Variants in ALLC observed in about 807,000 individuals in gnomAD.
ALLC encodes the protein probable inactive allantoicase.
ALLC carries 40 observed loss-of-function variants against 45.0 expected under a neutral mutation model. That is an observed-to-expected ratio of 0.89 (90% CI 0.69 to 1.16). ALLC has a LOEUF of 1.16. Among genes scored for constraint, ALLC ranks in the 50% most tolerant of loss-of-function variants. ALLC has a pLI of 0.00. For synonymous variants in ALLC, 176 were observed against 178.1 expected, an observed-to-expected ratio of 0.99 and a Z score of 0.09; for missense variants, 488 against 493.1, an observed-to-expected ratio of 0.99 and a Z score of 0.10.
Position 3,697,427 on chromosome 2 carries a change from G to A in ALLC, c.821G>A (p.Arg274Gln), listed in dbSNP as rs376178731. 25 of 1,613,734 alleles carry A rather than the reference G, an allele frequency of 1.5e-5. 1 individual carries two copies. The highest frequency in any genetic ancestry group is 6.7e-5 in the Admixed American group (4 of 60,018). The change falls in exon 10 of 12, where the codon CGA (arginine) becomes CAA (glutamine). Residue 274 changes from arginine (R) to glutamine (Q), a missense_variant. Transcript: ENST00000252505. The stretch of plus-strand genomic sequence containing the variant: ...TTGGCACATCCTGGAGTAATAACTC[G>A]AATTGAAATTGACACAAAATATTTT... ...FRLAHPGVITRIEIDTKYFEG... is the reference protein window; with the variant it reads ...FRLAHPGVITQIEIDTKYFEG...
intron 7 of ALLC, among the ~76,000 whole-genome samples, chr2:3,686,058 C>T (rs1667328014): frequency 6.6e-6 from 1 of 151,040 alleles, no homozygotes; most frequent in Admixed American, 6.6e-5. Flanking sequence ...TTTGCCAAGA[C>T]CAATGTCCTA....
At chr2:3,682,663 C>T (rs1255028417) in intron 6 of ALLC, among the ~76,000 whole-genome samples, 2 of 152,068 alleles carry the variant, frequency 1.3e-5, no homozygotes, top group Non-Finnish European at 2.9e-5. Context: ...GTAGCTGGGA[C>T]TACAGGCGCC....
chr2:3,671,084 T>A lies in ALLC; in HGVS notation c.-62-12T>A. 1.3e-6 allele frequency: 2 copies of A among 1,553,684 alleles called. No homozygotes were observed. The highest frequency in any genetic ancestry group is 1.8e-6 in the Non-Finnish European group (2 of 1,140,588). On this transcript the variant is annotated splice_polypyrimidine_tract_variant and intron_variant, in intron 1 of 11. Coordinates refer to ENST00000252505, the MANE Select transcript of ALLC (RefSeq NM_018436.4). ...GCCCCCAAGGTTGACCGAGCTGCCCTCTCCCTTCCAGGAAGCACGGCTGAT... is the reference window on the plus strand; with the variant it reads ...GCCCCCAAGGTTGACCGAGCTGCCCACTCCCTTCCAGGAAGCACGGCTGAT...
Position 3,671,164 on chromosome 2 carries a change from A to C in ALLC, c.7A>C (p.Met3Leu), listed in dbSNP as rs1488977759. Reference sequence around the variant, plus strand: ...TCTGGACTTCACCCAGCTGATGGACATGGCATCTGAATCCGTAGGAGGAAA... The same window carrying C: ...TCTGGACTTCACCCAGCTGATGGACCTGGCATCTGAATCCGTAGGAGGAAA... MD[M>L]ASESVGGKIL... The change falls in exon 2 of 12, where the codon ATG becomes CTG. Residue 3 changes from methionine (M) to leucine (L), a missense_variant. Met to Leu is a conservative substitution (Grantham distance 15, BLOSUM62 2). Coordinates refer to ENST00000252505, the MANE Select transcript of ALLC (RefSeq NM_018436.4). The C allele has an allele frequency of 3.1e-6, 5 of 1,611,704 alleles. No individual in the cohort carries two copies. Among genetic ancestry groups the C allele is most frequent in the Admixed American group, 1.7e-5 (1 of 59,780 alleles).
At chr2:3,672,617 A>AGGTCCTCTGGCTCTGGTTAGATC (rs1666916429) in intron 2 of ALLC, among the ~76,000 whole-genome samples, 1 of 73,536 alleles carries the variant, frequency 1.4e-5, no homozygotes, top group Non-Finnish European at 2.7e-5. Context: ...CTGGTTAGAT[A>AGGTCCTCTGGCTCTGGTTAGATC]GGAGGTCCTC....
chr2:3,701,100 G>A (rs1667816364), intron 10 of ALLC, among the ~76,000 whole-genome samples: 1 of 152,146 alleles, frequency 6.6e-6, no homozygotes, highest in Admixed American at 6.5e-5. Flanking sequence ...CCTTTTGATT[G>A]TCATGTTAAA....
At chr2:3,685,273 C>A (rs1424508695) in intron 7 of ALLC, among the ~76,000 whole-genome samples, 2 of 139,492 alleles carry the variant, frequency 1.4e-5, no homozygotes, top group Non-Finnish European at 3.3e-5. Flanking sequence ...TCTGCTCTCA[C>A]GTTGCTATAA....
At chr2:3,656,745 G>A (rs1424454970), upstream of ALLC, among the ~76,000 whole-genome samples, 2 of 152,188 alleles carry the variant, frequency 1.3e-5, no homozygotes, top group Non-Finnish European at 2.9e-5. Context: ...AGGTGATTTG[G>A]AAGCACATTA....
intron 7 of ALLC, among the ~76,000 whole-genome samples, chr2:3,686,832 GT>G (rs1169706703): frequency 1.3e-5 from 2 of 151,064 alleles, no homozygotes; most frequent in African/African-American, 4.8e-5. Flanking sequence ...AGTTCTAATA[GT>G]TTTTGGGTGG....
chr2:3,649,789 G>A, the ALLC span, among the ~76,000 whole-genome samples: 3 of 152,258 alleles, frequency 2.0e-5, no homozygotes, highest in African/African-American at 7.2e-5. Flanking sequence ...ACGTGCACAC[G>A]TGTGGACGCG....
intron 6 of ALLC, 89 bp from the exon 7 acceptor site, chr2:3,682,853 C>G: frequency 7.2e-7 from 1 of 1,390,114 alleles, no homozygotes. Context: ...TCCAAAGTAT[C>G]TCCACACCTT....
At position 3,680,767 on chromosome 2, in the gene ALLC, G is replaced by A. The variant is rs113278767; in HGVS notation, c.298+773G>A. ...CAGCCTCCAGAACAGGGAAGAGGGC[G>A]GTGTGCGTCACAGCCTCTGATTTGT... On this transcript the variant is annotated intron_variant, in intron 5 of 11. Transcript: ENST00000252505. The surrounding 1 kb of genome is among the most constrained non-coding windows in gnomAD (Gnocchi z 4.0). Among the ~76,000 whole-genome samples, 518 of 152,200 alleles carry A rather than the reference G, an allele frequency of 3.4e-3. 1 individual carries two copies. Among genetic ancestry groups the A allele is most frequent in the African/African-American group, 0.012 (488 of 41,518 alleles).
chr2:3,679,824 T>C (rs1667126299), intron 4 of ALLC, 45 bp from the exon 5 acceptor site: 8 of 1,608,512 alleles, frequency 5.0e-6, no homozygotes, highest in Non-Finnish European at 6.8e-6. Context: ...CAGCATCTGC[T>C]GTGTTGGCCC....
upstream of ALLC, among the ~76,000 whole-genome samples, chr2:3,656,027 G>T (rs181610649): frequency 6.6e-6 from 1 of 152,332 alleles, no homozygotes; most frequent in East Asian, 1.9e-4. Context: ...AGGAAGAGGT[G>T]GGAGGTTGTT....
At chr2:3,662,098 A>G (rs918537027) in intron 1 of ALLC, among the ~76,000 whole-genome samples, 1 of 152,172 alleles carries the variant, frequency 6.6e-6, no homozygotes, top group Admixed American at 6.5e-5. Context: ...TTGAAGCCTG[A>G]TTCAAAGTCA....
At chr2:3,646,061 C>G in the ALLC span, among the ~76,000 whole-genome samples, 497 of 152,246 alleles carry the variant, frequency 3.3e-3, 6 homozygotes, top group African/African-American at 0.011. Flanking sequence ...TTGCCCGCAG[C>G]CTTGGAAAAT....
rs1057154691 is a variant in ALLC, at chr2:3,671,586, T to C, written c.33+396T>C. ...CTGGCTCTGGTTAGATGGGAGGTCC[T>C]CTGGCTCTAGTTAGATGGGAGGTCC... On this transcript the variant is annotated intron_variant, in intron 2 of 11. Transcript: ENST00000252505. Among the ~76,000 whole-genome samples, 188 of 102,814 alleles carry C rather than the reference T, an allele frequency of 1.8e-3. 1 individual carries two copies. Among genetic ancestry groups the C allele is most frequent in the Middle Eastern group, 4.7e-3 (1 of 212 alleles). 67.4% of individuals were successfully genotyped at this position (102,814 alleles called of 152,430 possible).
At chr2:3,655,750 G>A (rs1666423069), upstream of ALLC, among the ~76,000 whole-genome samples, 1 of 152,218 alleles carries the variant, frequency 6.6e-6, no homozygotes, top group African/African-American at 2.4e-5. Flanking sequence ...ATGGACCACT[G>A]TGCCCAGCCT....
At position 3,671,087 on chromosome 2, in the gene ALLC, C is replaced by G; in HGVS notation, c.-62-9C>G. On this transcript the variant is annotated splice_polypyrimidine_tract_variant and intron_variant, in intron 1 of 11. Coordinates refer to ENST00000252505, the MANE Select transcript of ALLC (RefSeq NM_018436.4). ...CCCAAGGTTGACCGAGCTGCCCTCT[C>G]CCTTCCAGGAAGCACGGCTGATGCT... The G allele has an allele frequency of 6.4e-7, 1 of 1,561,748 alleles. No individual in the cohort carries two copies. Among genetic ancestry groups the G allele is most frequent in the Non-Finnish European group, 8.7e-7 (1 of 1,146,906 alleles).
Sources: gnomAD v4.1 joint callset for allele counts (sites outside exome capture counted in the v4.1 genomes callset) on GRCh38, gnomAD v4.1.1 for gene constraint, Gnocchi (gnomAD v3.1) non-coding constraint, MANE v1.5 for transcripts, NCBI Gene and HGNC (gene_info 2026-07-23, HGNC 2026-07-21) for gene names.